Variants in MGMT observed in about 807,000 individuals in gnomAD.
MGMT encodes the protein O-6-methylguanine-DNA methyltransferase.
A neutral mutation model predicts 15.9 loss-of-function variants in MGMT; 14 were observed. The observed-to-expected ratio is 0.88, with a 90% CI of 0.58 to 1.37. The LOEUF (loss-of-function observed/expected upper bound fraction) is 1.37, where lower values mean the gene tolerates loss of function less well. Among genes scored for constraint, MGMT ranks in the 40% most tolerant of loss-of-function variants. The probability of loss-of-function intolerance (pLI) is 0.00; values close to 1 mark genes in which losing one functional copy is unlikely to be tolerated. For synonymous variants in MGMT, 130 were observed against 118.2 expected (o/e 1.10, Z -0.65); for missense variants, 282 against 268.1 (o/e 1.05, Z -0.36).
intron 3 of MGMT, among the ~76,000 whole-genome samples, chr10:129,733,880 C>T (rs1326274873): frequency 2.0e-5 from 3 of 152,042 alleles, no homozygotes; most frequent in East Asian, 1.9e-4. Context: ...AGATATGCGG[C>T]GTTATTTCTG....
At chr10:129,755,690 G>A (rs113035895) in intron 3 of MGMT, among the ~76,000 whole-genome samples, 45 of 152,340 alleles carry the variant, frequency 3.0e-4, no homozygotes, top group African/African-American at 8.9e-4. Context: ...AGTGCTTGTC[G>A]GAGCCCTGAT....
intron 2 of MGMT, among the ~76,000 whole-genome samples, chr10:129,538,232 G>A (rs1342356046): frequency 6.6e-6 from 1 of 152,132 alleles, no homozygotes; most frequent in Non-Finnish European, 1.5e-5. Context: ...TATAACTACC[G>A]CCGAAGATAT....
At chr10:129,700,575 A>G (rs1848087279) in intron 2 of MGMT, 1 of 152,210 alleles carries the variant, frequency 6.6e-6, no homozygotes, top group South Asian at 2.1e-4. Context: ...AGGAAGGGAC[A>G]GCCCTGAGTC....
At chr10:129,620,109 A>G in intron 2 of MGMT, among the ~76,000 whole-genome samples, 1 of 152,140 alleles carries the variant, frequency 6.6e-6, no homozygotes, top group East Asian at 1.9e-4. Flanking sequence ...CCTTTCTAAG[A>G]TTGGTCATTG....
chr10:129,654,341 G>A (rs2133100271), intron 2 of MGMT, among the ~76,000 whole-genome samples: 1 of 152,256 alleles, frequency 6.6e-6, no homozygotes, highest in South Asian at 2.1e-4. Flanking sequence ...CCTGGGACCT[G>A]GAGGACCTGC....
chr10:129,583,528 C>T (rs948203453), intron 2 of MGMT, among the ~76,000 whole-genome samples: 6 of 152,306 alleles, frequency 3.9e-5, no homozygotes, highest in East Asian at 1.9e-4. Context: ...TTCCTTATCC[C>T]GGGTAGAAAG....
At chr10:129,662,431 C>T (rs757142902) in intron 2 of MGMT, among the ~76,000 whole-genome samples, 90 of 152,006 alleles carry the variant, frequency 5.9e-4, no homozygotes, top group Non-Finnish European at 1.1e-3. Context: ...AGTTGGTCAC[C>T]CTAGATTACA....
At chr10:129,699,752 T>C (rs920789843) in intron 2 of MGMT, among the ~76,000 whole-genome samples, 1 of 152,186 alleles carries the variant, frequency 6.6e-6, no homozygotes, top group African/African-American at 2.4e-5. Context: ...CAAGCACTCA[T>C]GGAACCCGTC....
chr10:129,483,910 A>G (rs1845383904), intron 1 of MGMT, among the ~76,000 whole-genome samples: 1 of 152,154 alleles, frequency 6.6e-6, no homozygotes, highest in Non-Finnish European at 1.5e-5. Context: ...ATATAGATAT[A>G]GATACCTTGG....
Position 129,563,539 on chromosome 10 carries a change from C to T in MGMT, c.125+27162C>T, listed in dbSNP as rs138549724. Among the ~76,000 whole-genome samples the T allele has an allele frequency of 9.9e-5, 15 of 152,148 alleles. No individual in the cohort carries two copies. In the East Asian group the frequency reaches 2.3e-3, roughly 24 times the overall value. On this transcript the variant is annotated intron_variant, in intron 2 of 4. Transcript: ENST00000651593. Reference sequence around the variant, plus strand: ...AATGGTTTTCAATTATGAGTTTTGTCATGAAAATTTAATTTTTTAAAAAAA... The same window carrying T: ...AATGGTTTTCAATTATGAGTTTTGTTATGAAAATTTAATTTTTTAAAAAAA...
intron 2 of MGMT, chr10:129,536,795 A>C (rs1309003794): frequency 6.5e-6 from 1 of 153,132 alleles, no homozygotes; most frequent in Non-Finnish European, 1.5e-5. Flanking sequence ...CTGTTCCTCC[A>C]GAGTCTGCCA....
chr10:129,553,994 C>T (rs1846186565), intron 2 of MGMT, among the ~76,000 whole-genome samples: 1 of 152,240 alleles, frequency 6.6e-6, no homozygotes, highest in Non-Finnish European at 1.5e-5. Context: ...TCTGCGGACA[C>T]AGTTGTGTGA....
At chr10:129,505,700 T>C (rs1315436550) in intron 1 of MGMT, among the ~76,000 whole-genome samples, 1 of 152,236 alleles carries the variant, frequency 6.6e-6, no homozygotes, top group Non-Finnish European at 1.5e-5. Context: ...TTTCCTAAGA[T>C]GGTAGACAGC....
At chr10:129,642,430 G>A (rs1425629016) in intron 2 of MGMT, among the ~76,000 whole-genome samples, 1 of 151,364 alleles carries the variant, frequency 6.6e-6, no homozygotes, top group African/African-American at 2.4e-5. Flanking sequence ...CATTCCACCT[G>A]AATTTTTCCA....
chr10:129,621,811 T>A (rs1425177870), intron 2 of MGMT, among the ~76,000 whole-genome samples: 2 of 152,240 alleles, frequency 1.3e-5, no homozygotes, highest in African/African-American at 2.4e-5. Flanking sequence ...CATCCCCATG[T>A]GCCTAATTTC....
At chr10:129,525,046 G>A (rs956912462) in intron 1 of MGMT, among the ~76,000 whole-genome samples, 2 of 152,120 alleles carry the variant, frequency 1.3e-5, no homozygotes, top group African/African-American at 4.8e-5. Flanking sequence ...AAGTTCCAGG[G>A]AATTTTTGGA....
At chr10:129,625,271 T>G (rs1225104963) in intron 2 of MGMT, among the ~76,000 whole-genome samples, 5 of 152,210 alleles carry the variant, frequency 3.3e-5, no homozygotes, top group Non-Finnish European at 4.4e-5. Flanking sequence ...CACTGTTCAG[T>G]TTTATCAAAT....
intron 2 of MGMT, among the ~76,000 whole-genome samples, chr10:129,691,520 G>A (rs1847969796): frequency 6.6e-6 from 1 of 152,246 alleles, no homozygotes; most frequent in Non-Finnish European, 1.5e-5. Context: ...CAGCCTTCAA[G>A]AGGACAGGTT....
At chr10:129,765,732 C>A (rs2133190224) in intron 4 of MGMT, among the ~76,000 whole-genome samples, 1 of 152,308 alleles carries the variant, frequency 6.6e-6, no homozygotes, top group Non-Finnish European at 1.5e-5. Flanking sequence ...AGGCAGGTCA[C>A]CTGCAGGAGC....
Sources: gnomAD v4.1 joint callset for allele counts (sites outside exome capture counted in the v4.1 genomes callset) on GRCh38, gnomAD v4.1.1 for gene constraint, MANE v1.5 for transcripts, NCBI Gene and HGNC (gene_info 2026-07-23, HGNC 2026-07-21) for gene names.